SWT1: variants seen among roughly 807,000 people sequenced by gnomAD.
SWT1 encodes the protein SWT1 RNA endoribonuclease homolog.
Under a neutral mutation model 107.3 loss-of-function variants are expected in SWT1, and 33 were observed. That is an observed-to-expected ratio of 0.31 (90% CI 0.23 to 0.41). SWT1 has a LOEUF of 0.41. Among genes scored for constraint, SWT1 ranks in the 10% least tolerant of loss-of-function variants. SWT1 has a pLI of 1.00. For missense variants in SWT1, 898 were observed against 1,028.9 expected (o/e 0.87, Z 1.74); for synonymous variants, 345 against 348.3 (o/e 0.99, Z 0.11).
intron 11 of SWT1, among the ~76,000 whole-genome samples, chr1:185,203,075 G>A (rs1658015753): frequency 6.6e-6 from 1 of 152,118 alleles, no homozygotes; most frequent in African/African-American, 2.4e-5. Flanking sequence ...TAATCACTGT[G>A]TACATGCTAA....
At position 185,291,671 on chromosome 1, in the gene SWT1, A is replaced by G. The variant is rs1665251865; in HGVS notation, c.*868A>G. 6.6e-6 allele frequency: 1 copy of G among 152,634 alleles called. No homozygotes were observed. The highest frequency in any genetic ancestry group is 1.5e-5 in the Non-Finnish European group (1 of 68,024). 9.5% of individuals were successfully genotyped at this position (152,634 alleles called of 1,614,324 possible). On this transcript the variant is annotated 3_prime_UTR_variant, in exon 19 of 19. Coordinates refer to ENST00000367500, the MANE Select transcript of SWT1 (RefSeq NM_017673.7). ...AAATGTTTATTTTTTAAAGCAATAA[A>G]TAACTTATTTTTGGTAAGATTTGGC...
chr1:185,202,187 T>G (rs1657940114), intron 10 of SWT1, among the ~76,000 whole-genome samples: 1 of 152,196 alleles, frequency 6.6e-6, no homozygotes, highest in Non-Finnish European at 1.5e-5. Context: ...TTGGCTTCTT[T>G]CAGCAAACAG....
At chr1:185,242,738 G>C (rs1024373263) in intron 16 of SWT1, among the ~76,000 whole-genome samples, 9 of 152,036 alleles carry the variant, frequency 5.9e-5, no homozygotes, top group African/African-American at 2.2e-4. Flanking sequence ...TTTATAATCT[G>C]TTCTTTTATT....
chr1:185,184,406 C>T, intron 8 of SWT1, 62 bp downstream of exon 8: 1 of 947,956 alleles, frequency 1.1e-6, no homozygotes, highest in Non-Finnish European at 1.6e-6. Flanking sequence ...TTTATATTAA[C>T]AATGATGGGC....
Position 185,290,937 on chromosome 1 carries a change from C to G in SWT1, c.*134C>G. ...TTCATAGGTATAAAAAGGTGATCGCCTATTACTGACAGTCTCATTGTAGCT... is the reference window on the plus strand; with the variant it reads ...TTCATAGGTATAAAAAGGTGATCGCGTATTACTGACAGTCTCATTGTAGCT... On this transcript the variant is annotated 3_prime_UTR_variant, in exon 19 of 19. Coordinates refer to ENST00000367500, the MANE Select transcript of SWT1 (RefSeq NM_017673.7). The G allele has an allele frequency of 1.7e-6, 1 of 603,618 alleles. No individual in the cohort carries two copies. Among genetic ancestry groups the G allele is most frequent in the Non-Finnish European group, 2.6e-6 (1 of 380,322 alleles). The allele number at this position is 603,618 out of a possible 1,614,324, so 37.4% of individuals were successfully genotyped here.
intron 2 of SWT1, among the ~76,000 whole-genome samples, chr1:185,165,304 A>G (rs544697011): frequency 7.0e-4 from 107 of 152,354 alleles, no homozygotes; most frequent in African/African-American, 2.5e-3. Flanking sequence ...GAGAATTACC[A>G]AAGTGTGACA....
At chr1:185,187,073 A>T (rs201737196) in intron 9 of SWT1, among the ~76,000 whole-genome samples, 9,530 of 55,838 alleles carry the variant, frequency 0.17, 374 homozygotes, top group Middle Eastern at 0.26. Flanking sequence ...TTTTTTTTTT[A>T]AAAGAGTCTT....
chr1:185,288,215 T>C (rs1462956307), intron 18 of SWT1, among the ~76,000 whole-genome samples: 2 of 152,120 alleles, frequency 1.3e-5, no homozygotes, highest in Non-Finnish European at 2.9e-5. Flanking sequence ...GAGATTAGGG[T>C]TACACAAAGC....
chr1:185,208,836 A>G (rs545489785), intron 13 of SWT1, among the ~76,000 whole-genome samples: 1 of 151,886 alleles, frequency 6.6e-6, no homozygotes, highest in Admixed American at 6.6e-5. Flanking sequence ...GCAAGCCACA[A>G]GTGCACCTGA....
chr1:185,282,611 C>T (rs960677454), intron 18 of SWT1, among the ~76,000 whole-genome samples: 2 of 152,034 alleles, frequency 1.3e-5, no homozygotes, highest in Non-Finnish European at 2.9e-5. Flanking sequence ...TGGGAACCCT[C>T]CTGATTTATA....
chr1:185,175,200 C>CTT, intron 5 of SWT1, 87 bp downstream of exon 5: 14 of 925,714 alleles, frequency 1.5e-5, no homozygotes, highest in Admixed American at 4.0e-5. Context: ...ATATTTTTTT[C>CTT]TGTTTTTTTT....
chr1:185,268,709 T>TA (rs1416619016), intron 16 of SWT1, among the ~76,000 whole-genome samples: 1 of 152,198 alleles, frequency 6.6e-6, no homozygotes, highest in East Asian at 1.9e-4. Context: ...ATGTTAAACT[T>TA]ACTAGCCTCA....
At chr1:185,236,525 G>A (rs1019301732) in intron 16 of SWT1, among the ~76,000 whole-genome samples, 3 of 152,162 alleles carry the variant, frequency 2.0e-5, no homozygotes, top group South Asian at 2.1e-4. Context: ...TATGCAGAAA[G>A]CTGAAACTGG....
intron 18 of SWT1, among the ~76,000 whole-genome samples, chr1:185,287,878 C>T (rs150896849): frequency 3.9e-5 from 6 of 152,206 alleles, no homozygotes; most frequent in African/African-American, 1.2e-4. Context: ...TACTAACTCA[C>T]GTGAATTAAG....
chr1:185,193,855 A>G (rs181340498), intron 10 of SWT1, among the ~76,000 whole-genome samples: 5 of 152,088 alleles, frequency 3.3e-5, no homozygotes, highest in Admixed American at 1.3e-4. Context: ...TTTCAGTTCT[A>G]TTTGTTTTGC....
At chr1:185,285,669 C>T (rs1450101493) in intron 18 of SWT1, among the ~76,000 whole-genome samples, 1 of 152,112 alleles carries the variant, frequency 6.6e-6, no homozygotes, top group Non-Finnish European at 1.5e-5. Flanking sequence ...AGTTTTAGCT[C>T]TTACAGTTAG....
intron 5 of SWT1, chr1:185,176,438 C>A (rs1655566721): frequency 1.7e-5 from 6 of 361,262 alleles, no homozygotes; most frequent in Non-Finnish European, 2.3e-5. Flanking sequence ...GAGGGAGCTA[C>A]ATGAGCAGGG....
At chr1:185,179,778 G>A (rs1655868740) in intron 5 of SWT1, among the ~76,000 whole-genome samples, 1 of 152,174 alleles carries the variant, frequency 6.6e-6, no homozygotes, top group South Asian at 2.1e-4. Flanking sequence ...ATTCTACCAT[G>A]TTTCATGACT....
intron 4 of SWT1, among the ~76,000 whole-genome samples, chr1:185,173,021 C>T (rs1373389579): frequency 1.5e-4 from 19 of 124,122 alleles, no homozygotes; most frequent in African/African-American, 2.0e-4. Context: ...TCCAGCCTGG[C>T]GACAAAGCGA....
Sources: allele counts gnomAD v4.1 joint callset (sites outside exome capture counted in the v4.1 genomes callset), GRCh38; gene constraint gnomAD v4.1.1; transcripts MANE v1.5; gene names NCBI Gene and HGNC (gene_info 2026-07-23, HGNC 2026-07-21).